The following MKRN1 variants were observed in gnomAD, a reference collection of about 807,000 sequenced individuals.
The protein encoded by MKRN1 is makorin ring finger protein 1, also known as E3 ubiquitin-protein ligase makorin-1.
A neutral mutation model predicts 55.5 loss-of-function variants in MKRN1; 9 were observed. That is an observed-to-expected ratio of 0.16 (90% CI 0.10 to 0.28). The LOEUF is 0.28. Among genes scored for constraint, MKRN1 ranks in the 10% least tolerant of loss-of-function variants. The probability of loss-of-function intolerance (pLI) is 1.00; values close to 1 mark genes in which losing one functional copy is unlikely to be tolerated. For missense variants in MKRN1, 488 were observed against 626.7 expected (o/e 0.78, Z 2.36); for synonymous variants, 253 against 235.9 (o/e 1.07, Z -0.66).
At chr7:140,455,746 C>G (rs1794448908) in intron 6 of MKRN1, 44 bp downstream of exon 6, 1 of 1,471,926 alleles carries the variant, frequency 6.8e-7, no homozygotes, top group Non-Finnish European at 9.5e-7. Flanking sequence ...TGAACCCAAG[C>G]TCTGTTGGGC....
Position 140,455,913 on chromosome 7 carries a change from G to A in MKRN1, c.987-13C>T. The stretch of plus-strand genomic sequence containing the variant: ...TTCTGGGCAGGACCTGGGAAACAAT[G>A]AACAGGCTGCAATGCAAATTCCCCT... On this transcript the variant is annotated splice_polypyrimidine_tract_variant and intron_variant, in intron 5 of 7. Transcript: ENST00000255977. 6.3e-7 allele frequency: 1 copy of A among 1,597,658 alleles called. No individual in the cohort carries two copies. The highest frequency in any genetic ancestry group is 8.6e-7 in the Non-Finnish European group (1 of 1,165,062).
intron 1 of MKRN1, among the ~76,000 whole-genome samples, chr7:140,473,009 C>G (rs923673039): frequency 6.6e-6 from 1 of 151,146 alleles, no homozygotes; most frequent in African/African-American, 2.4e-5. Flanking sequence ...CCCAACTACT[C>G]GGGAGGCTGA....
intron 1 of MKRN1, among the ~76,000 whole-genome samples, chr7:140,473,074 GGAC>G (rs1794982516): frequency 6.6e-6 from 1 of 151,484 alleles, no homozygotes; most frequent in Non-Finnish European, 1.5e-5. Context: ...GCTCCAGCCT[GGAC>G]AACAGAGAGA....
chr7:140,463,678 G>A (rs1047276868), intron 2 of MKRN1, among the ~76,000 whole-genome samples: 7 of 152,144 alleles, frequency 4.6e-5, no homozygotes, highest in East Asian at 3.9e-4. Context: ...AAGGTCAGGA[G>A]ATGGAGACCA....
chr7:140,457,637 G>A (rs1794505478), intron 4 of MKRN1, among the ~76,000 whole-genome samples: 1 of 151,916 alleles, frequency 6.6e-6, no homozygotes, highest in Non-Finnish European at 1.5e-5. Flanking sequence ...GGCAGAGGCT[G>A]CAGTGAGCCG....
Position 140,474,709 on chromosome 7 carries a change from ATTTC to A in MKRN1, c.186-2702_186-2699del, listed in dbSNP as rs1289382856. Among the ~76,000 whole-genome samples, 16 of 146,884 alleles carry A rather than the reference ATTTC, an allele frequency of 1.1e-4. No homozygotes were observed. In the East Asian group the frequency reaches 3.0e-3, roughly 27 times the overall value. On this transcript the variant is annotated intron_variant, in intron 1 of 7. Transcript: ENST00000255977. ...CACTCAGATAAAGAATTTCTGAAGG[ATTTC>A]CTTCTTTCTTTTTTTTTTTTTTTGA...
chr7:140,479,312 G>A lies in MKRN1; in HGVS notation c.33C>T (p.Ala11=). 1 of 1,335,274 alleles carries A rather than the reference G, an allele frequency of 7.5e-7. No individual in the cohort carries two copies. Among genetic ancestry groups the A allele is most frequent in the Non-Finnish European group, 9.6e-7 (1 of 1,039,098 alleles). The allele number at this position is 1,335,274 out of a possible 1,614,324, so 82.7% of individuals were successfully genotyped here. A position where few individuals can be genotyped will look rare whatever the true frequency, so the allele number is the denominator to read the frequency against. ...CTGCCGCTCCTGCTCCTGATGTTGTGGCTGTTGTTCCGGGAGTTGCAGCCT... is the reference window on the plus strand; with the variant it reads ...CTGCCGCTCCTGCTCCTGATGTTGTAGCTGTTGTTCCGGGAGTTGCAGCCT... MAEAATPGTT[A]TTSGAGAAAA... Residue 11 remains alanine, a synonymous_variant, in exon 1 of 8, where the codon GCC becomes GCT. Coordinates refer to ENST00000255977, the MANE Select transcript of MKRN1 (RefSeq NM_013446.4).
At chr7:140,455,618 G>C (rs1163083009) in intron 6 of MKRN1, 172 bp downstream of exon 6, 1 of 608,892 alleles carries the variant, frequency 1.6e-6, no homozygotes. Flanking sequence ...CCCAAGGACT[G>C]TGTTATAGCA....
intron 1 of MKRN1, chr7:140,474,445 G>A (rs140693905): frequency 1.1e-5 from 4 of 356,676 alleles, no homozygotes; most frequent in East Asian, 1.1e-4. Flanking sequence ...GTTGGGGGGG[G>A]CCCAGAGGTT....
At position 140,479,267 on chromosome 7, in the gene MKRN1, GGCT is replaced by G. The variant is rs1228113665; in HGVS notation, c.75_77del (p.Ala26del). The G allele has an allele frequency of 1.4e-6, 2 of 1,395,308 alleles. No homozygotes were observed. The highest frequency in any genetic ancestry group is 1.9e-6 in the Non-Finnish European group (2 of 1,075,742). The allele number at this position is 1,395,308 out of a possible 1,614,324, so 86.4% of individuals were successfully genotyped here. On this transcript the variant is annotated inframe_deletion, in exon 1 of 8. Coordinates refer to ENST00000255977, the MANE Select transcript of MKRN1 (RefSeq NM_013446.4). ...TGACTGTGGGGATCGGGGTGGGGGA[GGCT>G]GCTGCCGCCGTCGCCGCTGCCGCTC...
chr7:140,463,386 C>T (rs938929162), intron 2 of MKRN1, among the ~76,000 whole-genome samples: 5 of 152,204 alleles, frequency 3.3e-5, no homozygotes, highest in African/African-American at 1.2e-4. Context: ...GTACAGCCAA[C>T]CACTGCCCAC....
chr7:140,462,776 AACACG>A (rs1330549133), intron 2 of MKRN1, among the ~76,000 whole-genome samples: 1 of 152,114 alleles, frequency 6.6e-6, no homozygotes, highest in Non-Finnish European at 1.5e-5. Context: ...CATCCTGGCT[AACACG>A]GTGAAACCCC....
chr7:140,468,357 G>A (rs1330134315), intron 2 of MKRN1, among the ~76,000 whole-genome samples: 1 of 152,118 alleles, frequency 6.6e-6, no homozygotes, highest in African/African-American at 2.4e-5. Context: ...CACCATTGCA[G>A]TGTGAAGTTC....
intron 2 of MKRN1, among the ~76,000 whole-genome samples, chr7:140,468,006 A>AAAAAAAAC: frequency 6.6e-6 from 1 of 151,588 alleles, no homozygotes; most frequent in African/African-American, 2.4e-5. Flanking sequence ...CTGTCTCAAA[A>AAAAAAAAC]AAAAAAAAAA....
intron 2 of MKRN1, among the ~76,000 whole-genome samples, chr7:140,467,046 T>G (rs1403486829): frequency 6.6e-6 from 1 of 151,848 alleles, no homozygotes; most frequent in Non-Finnish European, 1.5e-5. Flanking sequence ...GGTACGATCT[T>G]GGCTCACCAC....
At chr7:140,478,703 G>A (rs1279558458) in intron 1 of MKRN1, 2 of 153,174 alleles carry the variant, frequency 1.3e-5, no homozygotes, top group Non-Finnish European at 1.5e-5. Context: ...CAAGCTCGCT[G>A]GGGCCCTCGG....
intron 5 of MKRN1, 90 bp from the exon 6 acceptor site, chr7:140,455,990 A>G: frequency 3.3e-6 from 4 of 1,225,702 alleles, no homozygotes; most frequent in Non-Finnish European, 3.6e-6. Context: ...CTCCAGACTT[A>G]AAGACTTAAC....
At chr7:140,470,118 G>A (rs570344969) in intron 2 of MKRN1, among the ~76,000 whole-genome samples, 1 of 150,834 alleles carries the variant, frequency 6.6e-6, no homozygotes, top group Non-Finnish European at 1.5e-5. Context: ...CTACTCTGGA[G>A]GCCAAGGCAG....
intron 2 of MKRN1, among the ~76,000 whole-genome samples, chr7:140,464,359 A>T (rs1315143971): frequency 6.6e-6 from 1 of 151,690 alleles, no homozygotes; most frequent in Non-Finnish European, 1.5e-5. Flanking sequence ...AGTCACGATC[A>T]CACCACTGCA....
Sources: allele counts gnomAD v4.1 joint callset (sites outside exome capture counted in the v4.1 genomes callset), GRCh38; gene constraint gnomAD v4.1.1; transcripts MANE v1.5; gene names NCBI Gene and HGNC (gene_info 2026-07-23, HGNC 2026-07-21).